The following GBP3 variants were observed in gnomAD, a reference collection of about 807,000 sequenced individuals.
GBP3 encodes the protein guanylate binding protein 3, also known as guanylate-binding protein 3.
In GBP3, 55 loss-of-function variants were observed where a neutral mutation model predicts 62.4. The observed-to-expected ratio is 0.88, with a 90% CI of 0.71 to 1.10. The LOEUF is 1.10. GBP3 is among the 50% of genes least tolerant of loss of function. The pLI is 0.00. For missense variants in GBP3, 605 were observed against 690.6 expected, an observed-to-expected ratio of 0.88 and a Z score of 1.39; for synonymous variants, 208 against 259.2, an observed-to-expected ratio of 0.80 and a Z score of 1.90.
chr1:89,018,944 C>G (rs1404000289), intron 2 of GBP3, among the ~76,000 whole-genome samples: 1 of 152,166 alleles, frequency 6.6e-6, no homozygotes, highest in East Asian at 1.9e-4. Flanking sequence ...AGGCTGCTGG[C>G]CAGATCCCGC....
rs767474017 is a variant in GBP3, at chr1:89,020,597, G to T, written c.125C>A (p.Ala42Glu). 6.2e-7 allele frequency: 1 copy of T among 1,614,088 alleles called. No individual in the cohort carries two copies. The highest frequency in any genetic ancestry group is 1.1e-5 in the South Asian group (1 of 91,080). ...SAITQPVVVV[A>E]IVGLYRTGKS... Reference sequence around the variant, plus strand: ...TCCTGTGCGGTAGAGGCCCACAATTGCCACCACCACCACAGGCTGTGTAAT... The same window carrying T: ...TCCTGTGCGGTAGAGGCCCACAATTTCCACCACCACCACAGGCTGTGTAAT... Residue 42 changes from alanine to glutamate, a missense_variant, in exon 2 of 11, where the codon GCA becomes GAA. Around this residue, in one of 3 missense-constraint regions of GBP3, gnomAD observed 308 missense variants for 318.0 expected, o/e 0.97. Transcript: ENST00000370481.
chr1:89,019,688 A>G (rs1384363593), intron 2 of GBP3, among the ~76,000 whole-genome samples: 5 of 152,258 alleles, frequency 3.3e-5, no homozygotes, highest in Admixed American at 6.5e-5. Flanking sequence ...CTCCACTTAT[A>G]TAACATTCCT....
At chr1:89,007,905 T>C in intron 10 of GBP3, 53 bp from the exon 11 acceptor site, 2 of 1,531,482 alleles carry the variant, frequency 1.3e-6, no homozygotes, top group South Asian at 1.2e-5. Context: ...TAAATCTCTG[T>C]AAGCTATCTA....
At chr1:89,013,756 T>C (rs1358287423) in intron 5 of GBP3, 2 of 403,944 alleles carry the variant, frequency 5.0e-6, no homozygotes, top group African/African-American at 4.1e-5. Context: ...TACAGGTAAA[T>C]ACAGAATCAC....
chr1:89,015,840 A>T (rs1221397274), intron 2 of GBP3, among the ~76,000 whole-genome samples: 1 of 152,012 alleles, frequency 6.6e-6, no homozygotes, highest in Non-Finnish European at 1.5e-5. Context: ...AGCCTGCTTC[A>T]TACTCAATGG....
chr1:89,008,783 A>T, intron 10 of GBP3, 164 bp downstream of exon 10: 2 of 1,325,446 alleles, frequency 1.5e-6, no homozygotes, highest in Non-Finnish European at 2.0e-6. Flanking sequence ...GACCACATGT[A>T]GGCAGTGGCC....
intron 5 of GBP3, 147 bp downstream of exon 5, chr1:89,013,936 A>G: frequency 1.2e-6 from 1 of 817,320 alleles, no homozygotes; most frequent in Non-Finnish European, 1.9e-6. Context: ...AACCTTTTCT[A>G]TTGCTAATAG....
At position 89,014,562 on chromosome 1, in the gene GBP3, G is replaced by A. The variant is rs745553373; in HGVS notation, c.413C>T (p.Ala138Val). 6.2e-7 allele frequency: 1 copy of A among 1,614,088 alleles called. No individual in the cohort carries two copies. The highest frequency in any genetic ancestry group is 1.1e-5 in the South Asian group (1 of 91,072). The stretch of plus-strand genomic sequence containing the variant: ...AAAAGGATACTACAGTTGGTCCATA[G>A]CCTGCTGGTTGATGGTTCCCATGCT... ...YNSMGTINQQ[A>V]MDQLYYVTEL... The change falls in exon 4 of 11, where the codon GCT becomes GTT. Residue 138 changes from alanine (A) to valine (V), a missense_variant. Physicochemically the swap from Ala to Val is moderately conservative, Grantham distance 64 (BLOSUM62 0). Transcript: ENST00000370481.
intron 6 of GBP3, among the ~76,000 whole-genome samples, chr1:89,012,264 C>G (rs1262967355): frequency 7.2e-6 from 1 of 138,648 alleles, no homozygotes; most frequent in Non-Finnish European, 1.7e-5. Flanking sequence ...TTTGAGAATC[C>G]TTGTTCTAGA....
At chr1:89,014,801 A>G in intron 3 of GBP3, 145 bp from the exon 4 acceptor site, 1 of 992,962 alleles carries the variant, frequency 1.0e-6, no homozygotes, top group Non-Finnish European at 1.5e-6. Flanking sequence ...AAACAAAATG[A>G]TTGTTACTCA....
At chr1:89,014,479 A>G in intron 4 of GBP3, 68 bp downstream of exon 4, 1 of 1,613,900 alleles carries the variant, frequency 6.2e-7, no homozygotes, top group East Asian at 2.2e-5. Flanking sequence ...ATTCACAGTC[A>G]GGCAGCTGGT....
At chr1:89,011,556 G>A (rs1203182050) in intron 7 of GBP3, among the ~76,000 whole-genome samples, 191 bp downstream of exon 7, 1 of 139,436 alleles carries the variant, frequency 7.2e-6, no homozygotes, top group African/African-American at 2.5e-5. Context: ...TTATTGATAA[G>A]CAATGTTTTT....
rs150869762 is a variant in GBP3, at chr1:89,010,828, G to A, written c.1362+76C>T. On this transcript the variant is annotated intron_variant, in intron 8 of 10. Coordinates refer to ENST00000370481, the MANE Select transcript of GBP3 (RefSeq NM_018284.3). ...AGACAAAAAAGCACATCTGTGTGCA[G>A]TGAAGCTTGGTCACTTTGGTGTTCG... The A allele has an allele frequency of 2.5e-4, 365 of 1,448,650 alleles. 32 individuals are homozygous for A. The African/African-American group carries it at 4.3e-3, about 17-fold the overall frequency. 89.7% of individuals were successfully genotyped at this position (1,448,650 alleles called of 1,614,324 possible). A position where few individuals can be genotyped will look rare whatever the true frequency, so the allele number is the denominator to read the frequency against.
At chr1:89,014,013 AT>A in intron 5 of GBP3, 69 bp downstream of exon 5, 3 of 1,481,400 alleles carry the variant, frequency 2.0e-6, no homozygotes, top group Non-Finnish European at 1.9e-6. Flanking sequence ...AAAACTATCA[AT>A]AGTAAACTAA....
At position 89,020,604 on chromosome 1, in the gene GBP3, C is replaced by T. The variant is rs201358252; in HGVS notation, c.118G>A (p.Val40Met). ...ILSAITQPVV[V>M]VAIVGLYRTG... ...CGGTAGAGGCCCACAATTGCCACCA[C>T]CACCACAGGCTGTGTAATGGCAGAC... Residue 40 changes from valine to methionine, a missense_variant, in exon 2 of 11, where the codon GTG becomes ATG. Coordinates refer to ENST00000370481, the MANE Select transcript of GBP3 (RefSeq NM_018284.3). 17 of 1,614,066 alleles carry T rather than the reference C, an allele frequency of 1.1e-5. No individual in the cohort carries two copies. The East Asian group carries it at 2.2e-4, about 21-fold the overall frequency.
At chr1:89,017,993 C>A (rs141407508) in intron 2 of GBP3, among the ~76,000 whole-genome samples, 1 of 151,840 alleles carries the variant, frequency 6.6e-6, no homozygotes, top group Non-Finnish European at 1.5e-5. Context: ...GTAGGAGAAT[C>A]GCTTGAACCC....
At position 89,020,812 on chromosome 1, in the gene GBP3, T is replaced by C. The variant is rs569076967; in HGVS notation, c.-22-69A>G. The C allele has an allele frequency of 6.1e-5, 87 of 1,428,058 alleles. No individual in the cohort carries two copies. In the African/African-American group the frequency reaches 9.8e-4, roughly 16 times the overall value. The allele number at this position is 1,428,058 out of a possible 1,614,324, so 88.5% of individuals were successfully genotyped here. A position where few individuals can be genotyped will look rare whatever the true frequency, so the allele number is the denominator to read the frequency against. On this transcript the variant is annotated intron_variant, in intron 1 of 10. Coordinates refer to ENST00000370481, the MANE Select transcript of GBP3 (RefSeq NM_018284.3). ...GCATTTAGAGGATAGAGTCACAGAA[T>C]TCCCCAGGATGGCCAAAAGTTTTGT...
At chr1:89,021,788 T>TGA (rs146229731) in intron 1 of GBP3, among the ~76,000 whole-genome samples, 7,938 of 65,222 alleles carry the variant, frequency 0.12, 816 homozygotes, top group Middle Eastern at 0.19. Context: ...GCTGGAAAGA[T>TGA]GAGAGAGAGA....
chr1:89,018,299 C>G (rs571043357), intron 2 of GBP3, among the ~76,000 whole-genome samples: 1 of 152,242 alleles, frequency 6.6e-6, no homozygotes, highest in East Asian at 1.9e-4. Flanking sequence ...TTTCACATCA[C>G]CAAGATTCCT....
Sources: allele counts gnomAD v4.1 joint callset (sites outside exome capture counted in the v4.1 genomes callset), GRCh38; gene constraint gnomAD v4.1.1; regional missense constraint gnomAD v4.1.1; transcripts MANE v1.5; gene names NCBI Gene and HGNC (gene_info 2026-07-23, HGNC 2026-07-21).